The following CD81 variants were observed in gnomAD, a reference collection of about 807,000 sequenced individuals.
CD81 encodes the protein CD81 antigen.
CD81 carries 10 observed loss-of-function variants against 30.1 expected under a neutral mutation model. That is an observed-to-expected ratio of 0.33 (90% CI 0.21 to 0.56). CD81 has a LOEUF of 0.56. CD81 is among the 20% of genes least tolerant of loss of function. The pLI, the probability that CD81 is intolerant of heterozygous loss-of-function variation, is 0.89. For missense variants in CD81, 263 were observed against 308.7 expected (o/e 0.85, Z 1.11); for synonymous variants, 147 against 126.4 (o/e 1.16, Z -1.10).
intron 5 of CD81, 118 bp downstream of exon 5, chr11:2,395,638 C>A: frequency 1.2e-6 from 1 of 845,692 alleles, no homozygotes; most frequent in Non-Finnish European, 1.9e-6. Context: ...GCCCTTGGGA[C>A]CTCCAGGACC....
In CD81 at chr11:2,395,879, G is replaced by T; in HGVS notation, c.470G>T (p.Cys157Phe). 6.2e-7 allele frequency: 1 copy of T among 1,611,268 alleles called. No individual in the cohort carries two copies. ...CCCTGCTCTCTGCAGCTTGACTGCTGTGGCTCCAGCACACTGACTGCTTTG... is the reference window on the plus strand; with the variant it reads ...CCCTGCTCTCTGCAGCTTGACTGCTTTGGCTCCAGCACACTGACTGCTTTG... ...VKTFHETLDC[C>F]GSSTLTALTT... The change falls in exon 6 of 8, where the codon TGT (cysteine) becomes TTT (phenylalanine). Residue 157 changes from cysteine (C) to phenylalanine (F), a missense_variant. Cys to Phe is a radical substitution (Grantham distance 205). Coordinates refer to ENST00000263645, the MANE Select transcript of CD81 (RefSeq NM_004356.4).
In CD81 at chr11:2,390,459, C is replaced by G; in HGVS notation, c.114C>G (p.Asp38Glu). ...ILGVALWLRHDPQTTNLLYLE... is the reference protein window; with the variant it reads ...ILGVALWLRHEPQTTNLLYLE... ...GTGTGGCCCTGTGGCTCCGCCATGA[C>G]CCGCAGACCACCAACCTCCTGTATC... is the stretch of plus-strand genomic sequence containing the variant. Residue 38 changes from aspartate to glutamate, a missense_variant, in exon 2 of 8, where the codon GAC (aspartate) becomes GAG (glutamate). Asp to Glu is a conservative substitution (Grantham distance 45, BLOSUM62 2). This residue lies in a region of CD81 where 84 missense variants were observed against 98.2 expected (regional missense o/e 0.86). Transcript: ENST00000263645. The G allele has an allele frequency of 1.2e-6, 2 of 1,612,960 alleles. No individual in the cohort carries two copies. The highest frequency in any genetic ancestry group is 1.7e-6 in the Non-Finnish European group (2 of 1,180,006).
intron 1 of CD81, chr11:2,386,243 T>A (rs2133449636): frequency 1.4e-6 from 1 of 694,198 alleles, no homozygotes; most frequent in East Asian, 2.7e-5. Flanking sequence ...CTTTCAAAGA[T>A]TGGGTTGCCA....
rs370316702 is a variant in CD81 at position 2,396,762 on chromosome 11, C to T, written c.649-42C>T. The T allele has an allele frequency of 1.4e-5, 23 of 1,611,588 alleles. No individual in the cohort carries two copies. The East Asian group carries it at 2.7e-4, about 19-fold the overall frequency. On this transcript the variant is annotated intron_variant, in intron 7 of 7. Coordinates refer to ENST00000263645, the MANE Select transcript of CD81 (RefSeq NM_004356.4). ...CCTGCTCTCTGGGCTGCCCCTTCCG[C>T]GGGGCCTTGTGCTGACTGCGCCCCC...
intron 6 of CD81, 148 bp from the exon 7 acceptor site, chr11:2,396,480 C>T (rs1409899749): frequency 2.8e-5 from 21 of 757,838 alleles, no homozygotes; most frequent in East Asian, 2.5e-4. Context: ...CCGCTGCACC[C>T]GCCTGTTCCG....
intron 1 of CD81, among the ~76,000 whole-genome samples, chr11:2,380,228 C>T (rs1849681267): frequency 6.6e-6 from 1 of 152,100 alleles, no homozygotes; most frequent in Non-Finnish European, 1.5e-5. Context: ...TCCAGAAGGA[C>T]ACAGTGCAGT....
At chr11:2,384,089 G>C (rs887343477) in intron 1 of CD81, among the ~76,000 whole-genome samples, 16 of 152,192 alleles carry the variant, frequency 1.1e-4, no homozygotes, top group African/African-American at 3.6e-4. Context: ...AGTGTGCTTG[G>C]CAGCCCCCCT....
chr11:2,377,450 C>A lies in CD81; in HGVS notation c.-100C>A. The A allele has an allele frequency of 3.2e-6, 1 of 309,868 alleles. No individual in the cohort carries two copies. The highest frequency in any genetic ancestry group is 4.7e-6 in the Non-Finnish European group (1 of 214,940). The allele number at this position is 309,868 out of a possible 1,614,324, so 19.2% of individuals were successfully genotyped here. A position where few individuals can be genotyped will look rare whatever the true frequency, so the allele number is the denominator to read the frequency against. On this transcript the variant is annotated 5_prime_UTR_variant, in exon 1 of 8. Coordinates refer to ENST00000263645, the MANE Select transcript of CD81 (RefSeq NM_004356.4). The surrounding 1 kb of genome is among the most constrained non-coding windows in gnomAD (Gnocchi z 7.7). ...TTCTTCGCGCCCCCGCCCCTCGGCCCGCCAGGCCCCCTTGCCGGCCACCCG... is the reference window on the plus strand; with the variant it reads ...TTCTTCGCGCCCCCGCCCCTCGGCCAGCCAGGCCCCCTTGCCGGCCACCCG...
At chr11:2,389,401 C>T (rs558079798) in intron 1 of CD81, among the ~76,000 whole-genome samples, 1 of 152,116 alleles carries the variant, frequency 6.6e-6, no homozygotes, top group Non-Finnish European at 1.5e-5. Context: ...TGGGCACTGC[C>T]CCTAGGGAGA....
upstream of CD81, among the ~76,000 whole-genome samples, chr11:2,376,624 G>T (rs529278265): frequency 9.8e-5 from 15 of 152,336 alleles, no homozygotes; most frequent in Non-Finnish European, 1.2e-4. Flanking sequence ...ATATCTGGAG[G>T]TTCTCCTATA....
chr11:2,388,606 G>C (rs1849839702), intron 1 of CD81, among the ~76,000 whole-genome samples: 1 of 152,220 alleles, frequency 6.6e-6, no homozygotes, highest in Non-Finnish European at 1.5e-5. Context: ...GTGAGGCAAG[G>C]CCTCAGCTGC....
At chr11:2,383,006 T>G (rs547997597) in intron 1 of CD81, among the ~76,000 whole-genome samples, 6 of 152,192 alleles carry the variant, frequency 3.9e-5, no homozygotes, top group Non-Finnish European at 8.8e-5. Context: ...CCACCCCTGA[T>G]GCCTGGGAGA....
rs1223724911 is a variant in CD81 at position 2,377,688 on chromosome 11, C to A, written c.66+73C>A. The A allele has an allele frequency of 9.9e-7, 1 of 1,013,394 alleles. No homozygotes were observed. Among genetic ancestry groups the A allele is most frequent in the Non-Finnish European group, 1.4e-6 (1 of 723,854 alleles). 62.8% of individuals were successfully genotyped at this position (1,013,394 alleles called of 1,614,324 possible). ...CCACGTTGGGCAGGTCCCGCGGCAGCGTGCTAGGCCCCGCGGGCGCAGCGC... is the reference window on the plus strand; with the variant it reads ...CCACGTTGGGCAGGTCCCGCGGCAGAGTGCTAGGCCCCGCGGGCGCAGCGC... On this transcript the variant is annotated intron_variant, in intron 1 of 7. Transcript: ENST00000263645. This position sits in a 1 kb window ranked among gnomAD's most constrained non-coding sequence, Gnocchi z 7.7.
intron 1 of CD81, chr11:2,390,098 G>A (rs1310275980): frequency 8.1e-6 from 4 of 494,940 alleles, no homozygotes; most frequent in Non-Finnish European, 1.1e-5. Context: ...TTACCCTAAA[G>A]AAGTATTCTG....
intron 6 of CD81, chr11:2,396,235 T>A: frequency 6.9e-6 from 4 of 575,574 alleles, no homozygotes; most frequent in Non-Finnish European, 1.3e-5. Context: ...CAGCTCCACG[T>A]GTGCACTCGT....
At chr11:2,387,940 T>C (rs1849825785) in intron 1 of CD81, among the ~76,000 whole-genome samples, 1 of 152,324 alleles carries the variant, frequency 6.6e-6, no homozygotes, top group Admixed American at 6.5e-5. Flanking sequence ...CCCAGGTTGT[T>C]GTTTCGGGTG....
intron 1 of CD81, among the ~76,000 whole-genome samples, chr11:2,383,057 G>A (rs547029421): frequency 3.7e-4 from 57 of 152,320 alleles, no homozygotes; most frequent in African/African-American, 1.3e-3. Context: ...TCCTGGTCCC[G>A]AGGGAAGTGA....
upstream of CD81, among the ~76,000 whole-genome samples, chr11:2,376,642 C>G (rs962712047): frequency 1.3e-5 from 2 of 152,222 alleles, no homozygotes; most frequent in African/African-American, 4.8e-5. Flanking sequence ...ATAGGTGTCT[C>G]TGGCCTCCTG....
At chr11:2,387,128 G>A (rs545072435) in intron 1 of CD81, among the ~76,000 whole-genome samples, 3 of 152,368 alleles carry the variant, frequency 2.0e-5, no homozygotes, top group African/African-American at 4.8e-5. Flanking sequence ...GAGGAGGGGT[G>A]GTCCCTGCCC....
Sources: gnomAD v4.1 joint callset for allele counts (sites outside exome capture counted in the v4.1 genomes callset) on GRCh38, gnomAD v4.1.1 for gene constraint, gnomAD v4.1.1 regional missense constraint, Gnocchi (gnomAD v3.1) non-coding constraint, MANE v1.5 for transcripts, NCBI Gene and HGNC (gene_info 2026-07-23, HGNC 2026-07-21) for gene names.